Variants in CNTN4 observed in about 807,000 individuals in gnomAD.
CNTN4 encodes the protein contactin-4.
A neutral mutation model predicts 122.5 loss-of-function variants in CNTN4; 77 were observed. The observed-to-expected ratio is 0.63, with a 90% CI of 0.52 to 0.76. The LOEUF is 0.76. Among genes scored for constraint, CNTN4 ranks in the 30% least tolerant of loss-of-function variants. CNTN4 has a pLI of 0.00. For missense variants in CNTN4, 1,256 were observed against 1,259.1 expected (o/e 1.00, Z 0.04); for synonymous variants, 512 against 447.0 (o/e 1.15, Z -1.83).
intron 14 of CNTN4, among the ~76,000 whole-genome samples, chr3:2,994,613 A>ATATATATATATATGTG (rs370506181): frequency 8.4e-5 from 12 of 142,154 alleles, no homozygotes; most frequent in African/African-American, 2.9e-4. Context: ...ATATATATAT[A>ATATATATATATATGTG]TGTGTGTATA....
chr3:3,023,537 G>C (rs1315983695), intron 14 of CNTN4, among the ~76,000 whole-genome samples: 6 of 152,188 alleles, frequency 3.9e-5, no homozygotes, highest in African/African-American at 1.4e-4. Context: ...TCTAGGCTTT[G>C]GGGTATGTGC....
intron 7 of CNTN4, among the ~76,000 whole-genome samples, chr3:2,860,559 T>C (rs991597220): frequency 8.5e-5 from 13 of 152,164 alleles, no homozygotes; most frequent in African/African-American, 2.9e-4. Context: ...ACCGTCATTA[T>C]AGGTTTAAAT....
At position 2,409,404 on chromosome 3, in the gene CNTN4, C is replaced by T. The variant is rs558443756; in HGVS notation, c.-89+70171C>T. On this transcript the variant is annotated intron_variant, in intron 3 of 24. Transcript: ENST00000418658. The stretch of plus-strand genomic sequence containing the variant: ...CTGGGACTACAGGCGCCCGCCACCA[C>T]GGCTGGCTAGTTTTTTGTATTTTTA... Among the ~76,000 whole-genome samples, 21 of 152,042 alleles carry T rather than the reference C, an allele frequency of 1.4e-4. No individual in the cohort carries two copies. In the East Asian group the frequency reaches 1.5e-3, roughly 11 times the overall value.
At chr3:2,838,266 C>T (rs186561136) in intron 7 of CNTN4, among the ~76,000 whole-genome samples, 43 of 152,268 alleles carry the variant, frequency 2.8e-4, no homozygotes, top group Non-Finnish European at 4.9e-4. Flanking sequence ...AAAGATAAAA[C>T]TGGGTAAGAC....
rs541235636 is a variant in CNTN4 at position 2,139,991 on chromosome 3, GTCT to G, written c.-145+39354_-145+39356del. On this transcript the variant is annotated intron_variant, in intron 2 of 24. Transcript: ENST00000418658. ...GGAGGTGATTGAATCATGGACACAG[GTCT>G]TTACTGTGCCGTTCTTGTCATAGCA... Among the ~76,000 whole-genome samples, 450 of 152,324 alleles carry G rather than the reference GTCT, an allele frequency of 3.0e-3. 3 individuals are homozygous for G. Among genetic ancestry groups the G allele is most frequent in the African/African-American group, 9.9e-3 (411 of 41,564 alleles).
In CNTN4 at chr3:2,366,545, G is replaced by A. The variant is rs563799723; in HGVS notation, c.-89+27312G>A. Among the ~76,000 whole-genome samples the A allele has an allele frequency of 4.5e-3, 681 of 152,104 alleles. 8 individuals carry two copies. Among genetic ancestry groups the A allele is most frequent in the African/African-American group, 0.015 (621 of 41,496 alleles). ...GATCGAGACCATCCTGGCTAACATG[G>A]TGAAACCCTGTCTCCACTAAAAATA... On this transcript the variant is annotated intron_variant, in intron 3 of 24. Transcript: ENST00000418658.
chr3:2,861,098 G>A (rs536550406), intron 7 of CNTN4, among the ~76,000 whole-genome samples: 11 of 152,176 alleles, frequency 7.2e-5, no homozygotes, highest in African/African-American at 2.2e-4. Context: ...TTTGGTGATC[G>A]GTGTAACTCT....
chr3:2,597,358 G>A (rs991596868), intron 4 of CNTN4, among the ~76,000 whole-genome samples: 2 of 152,124 alleles, frequency 1.3e-5, no homozygotes, highest in Non-Finnish European at 2.9e-5. Context: ...TGTCCTCTAG[G>A]TTCAGCATTA....
intron 3 of CNTN4, among the ~76,000 whole-genome samples, chr3:2,471,721 A>G (rs1450037058): frequency 6.6e-6 from 1 of 152,298 alleles, no homozygotes; most frequent in East Asian, 1.9e-4. Flanking sequence ...ACGGGAAATT[A>G]AAAAAGCTCT....
intron 4 of CNTN4, among the ~76,000 whole-genome samples, chr3:2,601,379 T>G (rs1249863193): frequency 6.6e-6 from 1 of 152,234 alleles, no homozygotes; most frequent in Non-Finnish European, 1.5e-5. Context: ...AATTTTTGTA[T>G]AAGGTGTAAG....
intron 23 of CNTN4, among the ~76,000 whole-genome samples, chr3:3,052,713 A>G (rs1030506276): frequency 1.3e-5 from 2 of 152,198 alleles, no homozygotes; most frequent in Non-Finnish European, 2.9e-5. Flanking sequence ...CTCAGAACCC[A>G]TGGGGGGCCC....
chr3:2,355,478 T>C (rs1269251966), intron 3 of CNTN4, among the ~76,000 whole-genome samples: 2 of 152,132 alleles, frequency 1.3e-5, no homozygotes, highest in African/African-American at 2.4e-5. Flanking sequence ...CTCATAGAAC[T>C]TACAGCTACG....
In CNTN4 at chr3:2,841,025, G is replaced by T. The variant is rs1004643355; in HGVS notation, c.454+21444G>T. Among the ~76,000 whole-genome samples, 1 of 152,026 alleles carries T rather than the reference G, an allele frequency of 6.6e-6. No individual in the cohort carries two copies. The highest frequency in any genetic ancestry group is 2.4e-5 in the African/African-American group (1 of 41,370). On this transcript the variant is annotated intron_variant, in intron 7 of 24. Coordinates refer to ENST00000418658, the MANE Select transcript of CNTN4 (RefSeq NM_175607.3). This position sits in a 1 kb window ranked among gnomAD's most constrained non-coding sequence, Gnocchi z 4.8. Reference sequence around the variant, plus strand: ...ATCAGCTTTTCTCCTTCTCTATTCTGCATTATCATATGAAATCAAAGAGTG... The same window carrying T: ...ATCAGCTTTTCTCCTTCTCTATTCTTCATTATCATATGAAATCAAAGAGTG...
chr3:2,793,984 A>G (rs967365029), intron 6 of CNTN4, among the ~76,000 whole-genome samples: 3 of 152,134 alleles, frequency 2.0e-5, no homozygotes, highest in Admixed American at 6.5e-5. Context: ...GAAATACCAA[A>G]TGAAAACATG....
intron 2 of CNTN4, among the ~76,000 whole-genome samples, chr3:2,129,390 T>A (rs977812607): frequency 1.4e-5 from 2 of 145,550 alleles, no homozygotes; most frequent in Admixed American, 7.2e-5. Flanking sequence ...GAACCAGTAG[T>A]TTTGCATGGT....
At chr3:2,871,034 C>T (rs909902238) in intron 8 of CNTN4, among the ~76,000 whole-genome samples, 1 of 152,142 alleles carries the variant, frequency 6.6e-6, no homozygotes, top group Admixed American at 6.5e-5. Context: ...ACATGGCTCA[C>T]TCCTTCCTAC....
chr3:2,333,692 GGA>G (rs1489364473), intron 2 of CNTN4, among the ~76,000 whole-genome samples: 1 of 152,166 alleles, frequency 6.6e-6, no homozygotes. Context: ...TTGTTTGCTT[GGA>G]GCTAGACAGC....
intron 13 of CNTN4, among the ~76,000 whole-genome samples, chr3:2,926,390 T>C (rs1435438626): frequency 6.6e-6 from 1 of 152,228 alleles, no homozygotes; most frequent in South Asian, 2.1e-4. Flanking sequence ...GCATGTAGTG[T>C]ATACAATGCA....
rs963353415 is a variant in CNTN4 at position 2,612,388 on chromosome 3, G to A, written c.55+40830G>A. ...CATGTAGTTTATTGAATACTGTACA[G>A]AAACTTAAAAACAAAATGGTTGTAT... On this transcript the variant is annotated intron_variant, in intron 4 of 24. Transcript: ENST00000418658. Among the ~76,000 whole-genome samples, 10 of 152,132 alleles carry A rather than the reference G, an allele frequency of 6.6e-5. No homozygotes were observed. In the East Asian group the frequency reaches 1.9e-3, roughly 29 times the overall value.
Sources: gnomAD v4.1 joint callset for allele counts (sites outside exome capture counted in the v4.1 genomes callset) on GRCh38, gnomAD v4.1.1 for gene constraint, Gnocchi (gnomAD v3.1) non-coding constraint, MANE v1.5 for transcripts, NCBI Gene and HGNC (gene_info 2026-07-23, HGNC 2026-07-21) for gene names.